The following PRKDC variants were observed in gnomAD, a reference collection of about 807,000 sequenced individuals.
The protein encoded by PRKDC is DNA-dependent protein kinase catalytic subunit.
A neutral mutation model predicts 486.9 loss-of-function variants in PRKDC; 82 were observed. The ratio of observed to expected loss-of-function variants is 0.17; its 90% CI spans 0.14 to 0.20. The LOEUF (loss-of-function observed/expected upper bound fraction) is 0.20, where lower values mean the gene tolerates loss of function less well. Among genes scored for constraint, PRKDC ranks in the 10% least tolerant of loss-of-function variants. The probability of loss-of-function intolerance (pLI) is 1.00; values close to 1 mark genes in which losing one functional copy is unlikely to be tolerated. For missense variants in PRKDC, 4,504 were observed against 5,038.2 expected, an observed-to-expected ratio of 0.89 and a Z score of 3.21; for synonymous variants, 1,895 against 1,837.0, an observed-to-expected ratio of 1.03 and a Z score of -0.81.
Position 47,891,547 on chromosome 8 carries a change from C to T in PRKDC, c.3848-1067G>A, listed in dbSNP as rs13251871. Reference sequence around the variant, plus strand: ...CATCCTGGCTAACACAGTGAAACCCCGTCTCTACTAAAAATACAAAAAATT... The same window carrying T: ...CATCCTGGCTAACACAGTGAAACCCTGTCTCTACTAAAAATACAAAAAATT... On this transcript the variant is annotated intron_variant, in intron 31 of 85. Coordinates refer to ENST00000314191, the MANE Select transcript of PRKDC (RefSeq NM_006904.7). Among the ~76,000 whole-genome samples the T allele has an allele frequency of 6.6e-3, 1,006 of 151,756 alleles. 5 individuals carry two copies. The highest frequency in any genetic ancestry group is 0.011 in the Non-Finnish European group (761 of 67,922).
At chr8:47,809,753 A>C (rs1347032379) in intron 68 of PRKDC, among the ~76,000 whole-genome samples, 2 of 152,248 alleles carry the variant, frequency 1.3e-5, no homozygotes, top group African/African-American at 4.8e-5. Flanking sequence ...TGGATAAAAT[A>C]CAACTCCCCA....
rs2088563875 is a variant in PRKDC at position 47,857,268 on chromosome 8, C to A, written c.6497G>T (p.Ser2166Ile). The A allele has an allele frequency of 6.2e-7, 1 of 1,613,438 alleles. No individual in the cohort carries two copies. The highest frequency in any genetic ancestry group is 1.7e-5 in the Admixed American group (1 of 59,876). Residue 2166 changes from serine to isoleucine, a missense_variant, in exon 49 of 86, where the codon AGC becomes ATC. Around this residue, in one of 6 missense-constraint regions of PRKDC, gnomAD observed 1,592 missense variants for 1,724.6 expected, o/e 0.92. Coordinates refer to ENST00000314191, the MANE Select transcript of PRKDC (RefSeq NM_006904.7). ...AGAAGCAGCCAGCTGCAGCAAGGGG[C>A]TAAGCCAGTGCTTCGCGTAAGGGCG... ...VFRPYAKHWLSPLLQLAASEN... is the reference protein window; with the variant it reads ...VFRPYAKHWLIPLLQLAASEN...
intron 16 of PRKDC, 128 bp from the exon 17 acceptor site, chr8:47,930,915 C>G: frequency 1.2e-6 from 1 of 845,548 alleles, no homozygotes; most frequent in Non-Finnish European, 1.8e-6. Context: ...GCGAGAAAGA[C>G]CAAGATGGGT....
chr8:47,855,918 T>C (rs2088529044), intron 49 of PRKDC, among the ~76,000 whole-genome samples: 1 of 152,180 alleles, frequency 6.6e-6, no homozygotes, highest in African/African-American at 2.4e-5. Context: ...CTCACTCCCA[T>C]GACTCCAGAG....
rs753872935 is a variant in PRKDC, at chr8:47,782,362, G to C, written c.11396+16C>G. ...ATATGCAGCAGCCTACTGGCTGGGA[G>C]CAGCCTGGCAGTTACCTGGAGGTCA... On this transcript the variant is annotated intron_variant, in intron 79 of 85. Coordinates refer to ENST00000314191, the MANE Select transcript of PRKDC (RefSeq NM_006904.7). This position sits in a 1 kb window ranked among gnomAD's most constrained non-coding sequence, Gnocchi z 4.9. 8.1e-6 allele frequency: 13 copies of C among 1,606,854 alleles called. No individual in the cohort carries two copies. Among genetic ancestry groups the C allele is most frequent in the Non-Finnish European group, 8.5e-6 (10 of 1,176,588 alleles).
chr8:47,774,523 G>A (rs1563727016), intron 85 of PRKDC, 146 bp from the exon 86 acceptor site: 1 of 773,804 alleles, frequency 1.3e-6, no homozygotes, highest in Non-Finnish European at 2.0e-6. Context: ...GTCAAAGACT[G>A]GATTTGTAGG....
chr8:47,896,512 T>G (rs2154502085), intron 30 of PRKDC, among the ~76,000 whole-genome samples: 1 of 152,172 alleles, frequency 6.6e-6, no homozygotes, highest in Non-Finnish European at 1.5e-5. Flanking sequence ...CCGGACGCGG[T>G]GGCGGGTGCC....
intron 78 of PRKDC, among the ~76,000 whole-genome samples, chr8:47,783,538 C>A (rs902377605): frequency 3.3e-5 from 5 of 151,562 alleles, no homozygotes; most frequent in African/African-American, 1.2e-4. Flanking sequence ...TGCAGTGAGC[C>A]GAGACCGTCC....
intron 36 of PRKDC, 23 bp downstream of exon 36, chr8:47,885,921 T>A: frequency 6.2e-7 from 1 of 1,601,998 alleles, no homozygotes; most frequent in Non-Finnish European, 8.5e-7. Flanking sequence ...AAAAACAGTT[T>A]ATTTAAAGGG....
At chr8:47,835,453 C>T (rs1322097621) in intron 58 of PRKDC, among the ~76,000 whole-genome samples, 4 of 151,568 alleles carry the variant, frequency 2.6e-5, no homozygotes, top group South Asian at 4.2e-4. Context: ...CCCATCTCTA[C>T]TAAAATACAA....
In PRKDC at chr8:47,802,479, C is replaced by CT. The variant is rs547957995; in HGVS notation, c.9922+826dup. ...ACTAAACTATTTTGGGAGGAAATGG[C>CT]TTTTTTTTTTTTTTTTTTGAGAGAC... On this transcript the variant is annotated intron_variant, in intron 70 of 85. Coordinates refer to ENST00000314191, the MANE Select transcript of PRKDC (RefSeq NM_006904.7). 7.2e-3 allele frequency among the ~76,000 whole-genome samples: 937 copies of CT among 130,288 alleles called. 5 individuals are homozygous for CT. Among genetic ancestry groups the CT allele is most frequent in the South Asian group, 0.026 (104 of 3,990 alleles). 85.5% of individuals were successfully genotyped at this position (130,288 alleles called of 152,430 possible). A position where few individuals can be genotyped will look rare whatever the true frequency, so the allele number is the denominator to read the frequency against.
intron 38 of PRKDC, among the ~76,000 whole-genome samples, chr8:47,881,079 AAAGCAAGAAAGC>A (rs2089205364): frequency 1.3e-5 from 2 of 151,092 alleles, no homozygotes; most frequent in East Asian, 3.9e-4. Context: ...AGAAAGCAAG[AAAGCAAGAAAGC>A]AAGCAAGCAA....
In PRKDC at chr8:47,930,914, A is replaced by T. The variant is rs1407025777; in HGVS notation, c.1777-127T>A. 4 of 871,294 alleles carry T rather than the reference A, an allele frequency of 4.6e-6. No individual in the cohort carries two copies. The African/African-American group carries it at 6.9e-5, about 15-fold the overall frequency. The allele number at this position is 871,294 out of a possible 1,614,324, so 54.0% of individuals were successfully genotyped here. A position where few individuals can be genotyped will look rare whatever the true frequency, so the allele number is the denominator to read the frequency against. On this transcript the variant is annotated intron_variant, in intron 16 of 85. Transcript: ENST00000314191. The stretch of plus-strand genomic sequence containing the variant: ...AAGAAAGATTGCAACAGCGAGAAAG[A>T]CCAAGATGGGTGCTCAAGACCTATG...
intron 54 of PRKDC, among the ~76,000 whole-genome samples, chr8:47,846,481 C>G (rs2088267593): frequency 6.6e-6 from 1 of 150,766 alleles, no homozygotes; most frequent in Non-Finnish European, 1.5e-5. Context: ...CCTCAACAAA[C>G]CAGGCATCAA....
rs912704942 is a variant in PRKDC, at chr8:47,798,366, T to C, written c.10329A>G (p.Pro3443=). The change falls in exon 73 of 86, where the codon CCA becomes CCG. Residue 3443 remains proline, a synonymous_variant. Transcript: ENST00000314191. ...VIDSAELQAY[P]ALVVEKMLKA... ...TCAACATTTTCTCCACCACAAGTGCTGGATACGCCTGCAGTTCTGCAGAAT... is the reference window on the plus strand; with the variant it reads ...TCAACATTTTCTCCACCACAAGTGCCGGATACGCCTGCAGTTCTGCAGAAT... The C allele has an allele frequency of 6.2e-7, 1 of 1,609,392 alleles. No homozygotes were observed. Among genetic ancestry groups the C allele is most frequent in the African/African-American group, 1.3e-5 (1 of 74,726 alleles).
intron 7 of PRKDC, among the ~76,000 whole-genome samples, chr8:47,948,929 C>T (rs1177687981): frequency 1.3e-5 from 2 of 152,206 alleles, no homozygotes; most frequent in Non-Finnish European, 2.9e-5. Flanking sequence ...AACAACTTAC[C>T]ACAAACTTAA....
intron 47 of PRKDC, 41 bp from the exon 48 acceptor site, chr8:47,858,676 AAAT>A: frequency 6.9e-7 from 1 of 1,455,416 alleles, no homozygotes; most frequent in Non-Finnish European, 9.1e-7. Flanking sequence ...ACGTGGAATA[AAAT>A]AATGATACAT....
At chr8:47,898,333 T>C in intron 29 of PRKDC, 137 bp downstream of exon 29, 1 of 647,328 alleles carries the variant, frequency 1.5e-6, no homozygotes, top group Non-Finnish European at 2.5e-6. Context: ...GAAAACGAAC[T>C]CTTCAGACTT....
At chr8:47,818,355 G>A (rs904354560) in intron 67 of PRKDC, among the ~76,000 whole-genome samples, 6 of 151,962 alleles carry the variant, frequency 3.9e-5, no homozygotes, top group South Asian at 2.1e-4. Flanking sequence ...CGAGGCGGGC[G>A]GATCACGAGG....
Sources: allele counts gnomAD v4.1 joint callset (sites outside exome capture counted in the v4.1 genomes callset), GRCh38; gene constraint gnomAD v4.1.1; regional missense constraint gnomAD v4.1.1; non-coding constraint Gnocchi (gnomAD v3.1); transcripts MANE v1.5; gene names NCBI Gene and HGNC (gene_info 2026-07-23, HGNC 2026-07-21).